The following AKNAD1 variants were observed in gnomAD, a reference collection of about 807,000 sequenced individuals.
The protein encoded by AKNAD1 is AKNA domain containing 1, also known as protein AKNAD1.
A neutral mutation model predicts 90.8 loss-of-function variants in AKNAD1; 67 were observed. The observed-to-expected ratio is 0.74, with a 90% confidence interval of 0.61 to 0.90. The LOEUF (loss-of-function observed/expected upper bound fraction) is 0.90, where lower values mean the gene tolerates loss of function less well. AKNAD1 is among the 40% of genes least tolerant of loss of function. The pLI is 0.00. For synonymous variants in AKNAD1, 327 were observed against 341.4 expected (o/e 0.96, Z 0.46); for missense variants, 957 against 975.4 (o/e 0.98, Z 0.25).
intron 5 of AKNAD1, among the ~76,000 whole-genome samples, chr1:108,845,456 C>T (rs1310835305): frequency 6.6e-6 from 1 of 152,218 alleles, no homozygotes; most frequent in Admixed American, 6.5e-5. Context: ...TCTCTTTAGG[C>T]TCTAGGACCT....
intron 15 of AKNAD1, 23 bp downstream of exon 15, chr1:108,817,025 C>A: frequency 1.2e-6 from 2 of 1,612,760 alleles, no homozygotes; most frequent in South Asian, 2.2e-5. Flanking sequence ...CAATGCTTCT[C>A]GAATGATTTT....
chr1:108,826,046 C>T (rs931385360), intron 11 of AKNAD1, among the ~76,000 whole-genome samples: 9 of 151,748 alleles, frequency 5.9e-5, no homozygotes, highest in South Asian at 2.1e-4. Flanking sequence ...GTGGCCCCCC[C>T]GAAAGGGTTT....
In AKNAD1 at chr1:108,830,709, G is replaced by A. The variant is rs1022288751; in HGVS notation, c.1747-59C>T. The A allele has an allele frequency of 3.3e-6, 5 of 1,538,130 alleles. No individual in the cohort carries two copies. The South Asian group carries it at 5.6e-5, about 17-fold the overall frequency. ...AGAGGATGTGACTCACGCCGCGGCT[G>A]CACACGCACAGCCCAGCAAGCAGCT... On this transcript the variant is annotated intron_variant, in intron 9 of 15. Transcript: ENST00000370001.
At chr1:108,841,206 T>A (rs1664541593) in intron 6 of AKNAD1, among the ~76,000 whole-genome samples, 1 of 151,274 alleles carries the variant, frequency 6.6e-6, no homozygotes, top group African/African-American at 2.4e-5. Context: ...AAAATAATAA[T>A]AATAAAAGAA....
rs1663777762 is a variant in AKNAD1, at chr1:108,820,525, G to A, written c.2249+20C>T. On this transcript the variant is annotated intron_variant, in intron 14 of 15. Coordinates refer to ENST00000370001, the MANE Select transcript of AKNAD1 (RefSeq NM_152763.5). ...AACCAATGAGAAATATTTTGTTACT[G>A]ATAATGAAATAATACTTACTTTCCT... 3.3e-6 allele frequency: 5 copies of A among 1,508,276 alleles called. No homozygotes were observed. The highest frequency in any genetic ancestry group is 4.6e-6 in the Non-Finnish European group (5 of 1,086,966). The allele number at this position is 1,508,276 out of a possible 1,614,324, so 93.4% of individuals were successfully genotyped here. A position where few individuals can be genotyped will look rare whatever the true frequency, so the allele number is the denominator to read the frequency against.
Position 108,848,930 on chromosome 1 carries a change from A to C in AKNAD1, c.1164T>G (p.Thr388=), listed in dbSNP as rs749379288. 1 of 1,605,116 alleles carries C rather than the reference A, an allele frequency of 6.2e-7. No homozygotes were observed. The highest frequency in any genetic ancestry group is 8.5e-7 in the Non-Finnish European group (1 of 1,177,500). ...GTATTACTTTAGTCTTCAGTTGATC[A>C]GTCTGTTCTTTCAACTTCTGACACA... ...KQMCQKLKEQ[T]DQLKTKVQEF... The change falls in exon 4 of 16, where the codon ACT becomes ACG. Residue 388 remains threonine (T), a synonymous_variant. Coordinates refer to ENST00000370001, the MANE Select transcript of AKNAD1 (RefSeq NM_152763.5).
At chr1:108,834,584 T>A in intron 8 of AKNAD1, 56 bp from the exon 9 acceptor site, 4 of 1,461,426 alleles carry the variant, frequency 2.7e-6, no homozygotes, top group Non-Finnish European at 3.7e-6. Context: ...TTGAGCTACC[T>A]GGGAGCTCCA....
At chr1:108,819,357 G>A (rs1378321772) in intron 14 of AKNAD1, among the ~76,000 whole-genome samples, 1 of 151,992 alleles carries the variant, frequency 6.6e-6, no homozygotes, top group Non-Finnish European at 1.5e-5. Context: ...AGTGGCTCAT[G>A]CCTGTAATCC....
intron 1 of AKNAD1, among the ~76,000 whole-genome samples, chr1:108,855,056 C>T (rs1448387694): frequency 6.6e-6 from 1 of 152,068 alleles, no homozygotes; most frequent in Non-Finnish European, 1.5e-5. Context: ...TGCCCAGGTC[C>T]AGAGGTGAGG....
intron 14 of AKNAD1, 51 bp downstream of exon 14, chr1:108,820,494 C>G: frequency 1.6e-6 from 2 of 1,230,092 alleles, no homozygotes; most frequent in Non-Finnish European, 2.4e-6. Flanking sequence ...TACACTGTAT[C>G]CACCCAACCA....
Position 108,852,248 on chromosome 1 carries a change from G to T in AKNAD1, c.417C>A (p.Ala139=), listed in dbSNP as rs771037417. The T allele has an allele frequency of 1.9e-6, 3 of 1,613,608 alleles. No homozygotes were observed. In the South Asian group the frequency reaches 3.3e-5, roughly 18 times the overall value. The change falls in exon 2 of 16, where the codon GCC becomes GCA. Residue 139 remains alanine (A), a synonymous_variant. Transcript: ENST00000370001. The part of the protein sequence containing the change: ...DCETLPEISN[A]DSFEEEAIIK... ...TAATAGCTTCCTCTTCAAAACTGTC[G>T]GCATTTGAGATCTCTGGGAGGGTTT...
chr1:108,847,984 T>C (rs904111139), intron 5 of AKNAD1, among the ~76,000 whole-genome samples: 2 of 152,194 alleles, frequency 1.3e-5, no homozygotes, highest in Non-Finnish European at 2.9e-5. Flanking sequence ...AATGAATGAT[T>C]TAATTAACAG....
At chr1:108,841,944 AG>A (rs1364319919) in intron 6 of AKNAD1, among the ~76,000 whole-genome samples, 1 of 152,164 alleles carries the variant, frequency 6.6e-6, no homozygotes, top group Non-Finnish European at 1.5e-5. Flanking sequence ...GGCTGTAACT[AG>A]GATATAAATA....
intron 14 of AKNAD1, among the ~76,000 whole-genome samples, chr1:108,818,418 C>T (rs557461344): frequency 6.6e-6 from 1 of 152,272 alleles, no homozygotes; most frequent in Non-Finnish European, 1.5e-5. Flanking sequence ...TAATGAAATA[C>T]TCTGGGCAGG....
chr1:108,820,284 T>A (rs992562028), intron 14 of AKNAD1, among the ~76,000 whole-genome samples: 1 of 152,194 alleles, frequency 6.6e-6, no homozygotes, highest in Admixed American at 6.5e-5. Flanking sequence ...ACTATGCGGC[T>A]TCTCTGCCAA....
chr1:108,835,633 T>G (rs1664357500), intron 7 of AKNAD1, among the ~76,000 whole-genome samples: 1 of 151,888 alleles, frequency 6.6e-6, no homozygotes, highest in South Asian at 2.1e-4. Flanking sequence ...TTTAATTTTT[T>G]TTTTTTTTTG....
chr1:108,821,375 C>T (rs930520833), intron 13 of AKNAD1, among the ~76,000 whole-genome samples: 19 of 152,062 alleles, frequency 1.2e-4, no homozygotes, highest in African/African-American at 4.6e-4. Context: ...CATTTGAACC[C>T]AGGAGGTGGA....
At chr1:108,826,209 G>T (rs918183784) in intron 11 of AKNAD1, among the ~76,000 whole-genome samples, 1 of 151,744 alleles carries the variant, frequency 6.6e-6, no homozygotes, top group Admixed American at 6.6e-5. Flanking sequence ...TGACATAACA[G>T]AAGGCAGAGC....
chr1:108,825,402 T>A (rs191386505), intron 11 of AKNAD1, among the ~76,000 whole-genome samples: 1 of 151,886 alleles, frequency 6.6e-6, no homozygotes, highest in Admixed American at 6.6e-5. Context: ...CTCTAGTTCC[T>A]TATCTATAAA....
Sources: gnomAD v4.1 joint callset for allele counts (sites outside exome capture counted in the v4.1 genomes callset) on GRCh38, gnomAD v4.1.1 for gene constraint, MANE v1.5 for transcripts, NCBI Gene and HGNC (gene_info 2026-07-23, HGNC 2026-07-21) for gene names.